DSC2: variants seen among roughly 807,000 people sequenced by gnomAD.
The protein encoded by DSC2 is desmocollin 2.
DSC2 carries 51 observed loss-of-function variants against 87.6 expected under a neutral mutation model. The ratio of observed to expected loss-of-function variants is 0.58; its 90% CI spans 0.46 to 0.74. The LOEUF is 0.74. Among genes scored for constraint, DSC2 ranks in the 30% least tolerant of loss-of-function variants. The probability of loss-of-function intolerance (pLI) is 0.00; values close to 1 mark genes in which losing one functional copy is unlikely to be tolerated. For missense variants in DSC2, 1,066 were observed against 1,089.5 expected (o/e 0.98, Z 0.30); for synonymous variants, 383 against 393.2 (o/e 0.97, Z 0.31).
intron 11 of DSC2, 33 bp from the exon 12 acceptor site, chr18:31,074,940 T>TCCAAAC: frequency 6.4e-7 from 1 of 1,572,168 alleles, no homozygotes; most frequent in Non-Finnish European, 8.6e-7. Context: ...AGTTTTTCTA[T>TCCAAAC]GTTTTGAGTT....
chr18:31,072,480 C>T (rs1295265059), intron 12 of DSC2, among the ~76,000 whole-genome samples: 7 of 152,088 alleles, frequency 4.6e-5, no homozygotes, highest in Non-Finnish European at 1.0e-4. Context: ...TATCTAGAAC[C>T]GAAAGCCCAT....
At chr18:31,101,701 C>T (rs926129586) in intron 1 of DSC2, 27 of 593,272 alleles carry the variant, frequency 4.6e-5, no homozygotes, top group Non-Finnish European at 5.6e-5. Flanking sequence ...ACCTTCCCTT[C>T]CCTTGGGGAT....
At chr18:31,070,297 G>T (rs1598571867) in intron 14 of DSC2, among the ~76,000 whole-genome samples, 1 of 152,266 alleles carries the variant, frequency 6.6e-6, no homozygotes, top group East Asian at 1.9e-4. Flanking sequence ...CCATATTAGA[G>T]CCAGAAAGAA....
chr18:31,097,858 T>C (rs1360897250), intron 1 of DSC2, among the ~76,000 whole-genome samples: 1 of 151,764 alleles, frequency 6.6e-6, no homozygotes, highest in African/African-American at 2.4e-5. Context: ...CTTTTGGGTG[T>C]CTGCCAAGTG....
In DSC2 at chr18:31,092,125, A is replaced by G. The variant is rs750052485; in HGVS notation, c.330T>C (p.Phe110=). Residue 110 remains phenylalanine, a synonymous_variant, in exon 3 of 16, where the codon TTT becomes TTC. Coordinates refer to ENST00000280904, the MANE Select transcript of DSC2 (RefSeq NM_024422.6). ...CCTTTGTTTGATGCTCCAAAAAGAC[A>G]AATATTTTCTTCTTTTCTTGGTTCT... ...NTENQEKKKI[F]VFLEHQTKVL... 1.9e-6 allele frequency: 3 copies of G among 1,613,048 alleles called. No homozygotes were observed. Among genetic ancestry groups the G allele is most frequent in the Non-Finnish European group, 1.7e-6 (2 of 1,179,448 alleles).
chr18:31,094,020 T>A (rs1217705918), intron 1 of DSC2, among the ~76,000 whole-genome samples: 1 of 151,854 alleles, frequency 6.6e-6, no homozygotes, highest in Non-Finnish European at 1.5e-5. Context: ...ACTCAAAGAG[T>A]TATGTATGCT....
chr18:31,068,939 G>A lies in DSC2; in HGVS notation c.2463C>T (p.Tyr821=). The change falls in exon 15 of 16, where the codon TAC becomes TAT. Residue 821 remains tyrosine, a synonymous_variant. Transcript: ENST00000280904. ...TAAAACTGTGCCACTCCGAGTAAGT[G>A]TATCTGCAGTTGTCCACCTCCGTGT... ...GGHTEVDNCR[Y]TYSEWHSFTQ... is the part of the protein sequence containing the mutation. The A allele has an allele frequency of 6.2e-7, 1 of 1,614,076 alleles. No individual in the cohort carries two copies. Among genetic ancestry groups the A allele is most frequent in the Non-Finnish European group, 8.5e-7 (1 of 1,180,024 alleles).
intron 9 of DSC2, among the ~76,000 whole-genome samples, chr18:31,080,660 C>T (rs550344178): frequency 6.6e-6 from 1 of 152,304 alleles, no homozygotes; most frequent in South Asian, 2.1e-4. Context: ...AAGTGTGTAG[C>T]ACATCCCCCT....
chr18:31,073,679 C>A (rs182759735), intron 12 of DSC2, among the ~76,000 whole-genome samples: 66 of 152,218 alleles, frequency 4.3e-4, no homozygotes, highest in Middle Eastern at 3.4e-3. Context: ...GCTGGTAGAC[C>A]ATGACATCAT....
At chr18:31,096,657 C>T (rs1987770056) in intron 1 of DSC2, among the ~76,000 whole-genome samples, 1 of 152,122 alleles carries the variant, frequency 6.6e-6, no homozygotes, top group African/African-American at 2.4e-5. Context: ...AATAACCATT[C>T]TTATTTTTTT....
At chr18:31,082,519 A>G in intron 8 of DSC2, 96 bp from the exon 9 acceptor site, 1 of 1,118,356 alleles carries the variant, frequency 8.9e-7, no homozygotes, top group Non-Finnish European at 1.3e-6. Flanking sequence ...TTTCCAAAGT[A>G]CTATGTTTAC....
chr18:31,072,856 G>A (rs994623953), intron 12 of DSC2, among the ~76,000 whole-genome samples: 1 of 152,130 alleles, frequency 6.6e-6, no homozygotes, highest in African/African-American at 2.4e-5. Flanking sequence ...AGAAGCCATG[G>A]TTAACCTGTT....
chr18:31,074,898 G>A lies in DSC2; in HGVS notation c.1673C>T (p.Thr558Ile), dbSNP rs1277586365. The A allele has an allele frequency of 6.2e-7, 1 of 1,613,346 alleles. No individual in the cohort carries two copies. Among genetic ancestry groups the A allele is most frequent in the East Asian group, 2.2e-5 (1 of 44,776 alleles). ...TVLASDQGGR[T>I]CTGTLGIILQ... Reference sequence around the variant, plus strand: ...TATAATGCCCAGTGTCCCCGTACATGTTCTCCCTCCTAGAAAAATGAAAAT... The same window carrying A: ...TATAATGCCCAGTGTCCCCGTACATATTCTCCCTCCTAGAAAAATGAAAAT... The change falls in exon 12 of 16, where the codon ACA becomes ATA. Residue 558 changes from threonine to isoleucine, a missense_variant. Transcript: ENST00000280904.
chr18:31,083,916 C>A (rs1987314033), intron 7 of DSC2, among the ~76,000 whole-genome samples: 1 of 152,146 alleles, frequency 6.6e-6, no homozygotes, highest in African/African-American at 2.4e-5. Context: ...CCGGACTGAG[C>A]ATTAGGAGAC....
chr18:31,097,279 C>T lies in DSC2; in HGVS notation c.70-3636G>A, dbSNP rs1271707. Among the ~76,000 whole-genome samples, 637 of 147,764 alleles carry T rather than the reference C, an allele frequency of 4.3e-3. 4 individuals are homozygous for T. The highest frequency in any genetic ancestry group is 7.4e-3 in the Non-Finnish European group (498 of 67,214). On this transcript the variant is annotated intron_variant, in intron 1 of 15. Coordinates refer to ENST00000280904, the MANE Select transcript of DSC2 (RefSeq NM_024422.6). ...CTCCAGCCTGGGCGACAGAGCGAGACTCAGTCTCAAAAAAAAAAAAAAAGA... is the reference window on the plus strand; with the variant it reads ...CTCCAGCCTGGGCGACAGAGCGAGATTCAGTCTCAAAAAAAAAAAAAAAGA...
chr18:31,090,798 G>A (rs548499113), intron 4 of DSC2, among the ~76,000 whole-genome samples: 2 of 152,168 alleles, frequency 1.3e-5, no homozygotes, highest in Non-Finnish European at 2.9e-5. Context: ...AATTCATTAA[G>A]GAACCATGTG....
chr18:31,086,585 TAGCTG>T lies in DSC2; in HGVS notation c.928_932del (p.Gln310ArgfsTer6). ...TTAATGTTTATGTTACCTCTCTGTC[TAGCTG>T]AGATGATGTTGTGGTGATCACGCCT... On this transcript the variant is annotated frameshift_variant, in exon 7 of 16. Coordinates refer to ENST00000280904, the MANE Select transcript of DSC2 (RefSeq NM_024422.6). LOFTEE classifies it high-confidence loss of function. 6.2e-7 allele frequency: 1 copy of T among 1,614,140 alleles called. No individual in the cohort carries two copies. Among genetic ancestry groups the T allele is most frequent in the South Asian group, 1.1e-5 (1 of 91,084 alleles).
At chr18:31,078,904 A>G (rs1987108889) in intron 11 of DSC2, among the ~76,000 whole-genome samples, 1 of 152,084 alleles carries the variant, frequency 6.6e-6, no homozygotes, top group Non-Finnish European at 1.5e-5. Flanking sequence ...CATCATACTC[A>G]TATTTCTCTC....
Position 31,061,394 on chromosome 18 carries a change from C to T in DSC2, c.*6621G>A, listed in dbSNP as rs1364510047. ...GTCACAAAGGGAAGAGAGAATGAAA[C>T]AAAACAGCCCTTGCCATTTCCCATG... On this transcript the variant is annotated 3_prime_UTR_variant, in exon 16 of 16. Coordinates refer to ENST00000280904, the MANE Select transcript of DSC2 (RefSeq NM_024422.6). The T allele has an allele frequency of 6.6e-6, 1 of 152,184 alleles. No homozygotes were observed. The highest frequency in any genetic ancestry group is 1.5e-5 in the Non-Finnish European group (1 of 68,054). 9.4% of individuals were successfully genotyped at this position (152,184 alleles called of 1,614,324 possible). A position where few individuals can be genotyped will look rare whatever the true frequency, so the allele number is the denominator to read the frequency against.
Sources: gnomAD v4.1 joint callset for allele counts (sites outside exome capture counted in the v4.1 genomes callset) on GRCh38, gnomAD v4.1.1 for gene constraint, MANE v1.5 for transcripts, NCBI Gene and HGNC (gene_info 2026-07-23, HGNC 2026-07-21) for gene names.